The following NEDD8 variants were observed in gnomAD, a reference collection of about 807,000 sequenced individuals.
NEDD8 encodes ubiquitin-like protein NEDD8.
NEDD8 carries 1 observed loss-of-function variant against 13.8 expected under a neutral mutation model. The observed-to-expected ratio is 0.07, with a 90% CI of 0.03 to 0.34. The LOEUF is 0.34. NEDD8 is among the 10% of genes least tolerant of loss of function. NEDD8 has a pLI of 0.99. For synonymous variants in NEDD8, 31 were observed against 33.2 expected (o/e 0.93, Z 0.23); for missense variants, 10 against 95.2 (o/e 0.10, Z 3.73).
At chr14:24,230,859 C>A (rs1363374714) in intron 1 of NEDD8, among the ~76,000 whole-genome samples, 3 of 152,090 alleles carry the variant, frequency 2.0e-5, no homozygotes, top group African/African-American at 7.2e-5. Flanking sequence ...CTTAGGTGAT[C>A]CACCCACCTC....
intron 1 of NEDD8, chr14:24,227,503 G>T (rs1402984793): frequency 6.6e-6 from 1 of 152,216 alleles, no homozygotes; most frequent in African/African-American, 2.4e-5. Context: ...AGACCAGAAT[G>T]AGGGTAATGG....
chr14:24,221,433 C>T (rs2039808316), intron 1 of NEDD8, among the ~76,000 whole-genome samples: 1 of 151,940 alleles, frequency 6.6e-6, no homozygotes, highest in Admixed American at 6.6e-5. Context: ...GCGGGCACCA[C>T]CACGCCTGAC....
At chr14:24,223,283 G>C (rs1160122801) in intron 1 of NEDD8, among the ~76,000 whole-genome samples, 1 of 151,654 alleles carries the variant, frequency 6.6e-6, no homozygotes, top group Admixed American at 6.6e-5. Flanking sequence ...TGTAGTCCCA[G>C]CAACTGGGTA....
At chr14:24,232,032 C>T (rs2040045283) in intron 1 of NEDD8, 2 of 639,084 alleles carry the variant, frequency 3.1e-6, no homozygotes, top group South Asian at 2.2e-5. Context: ...AAAAAGCAGG[C>T]ATGGCAAAAT....
intron 1 of NEDD8, among the ~76,000 whole-genome samples, chr14:24,224,108 T>C (rs1383387892): frequency 1.3e-5 from 2 of 152,188 alleles, no homozygotes; most frequent in Admixed American, 6.5e-5. Flanking sequence ...TTTTGTATTT[T>C]TTAGTAGAGA....
chr14:24,225,697 T>C (rs777708860), intron 1 of NEDD8, among the ~76,000 whole-genome samples: 1 of 152,210 alleles, frequency 6.6e-6, no homozygotes, highest in Non-Finnish European at 1.5e-5. Context: ...ATTCTTGATA[T>C]ATCACACTGT....
intron 1 of NEDD8, among the ~76,000 whole-genome samples, chr14:24,230,395 C>G (rs1352808291): frequency 2.0e-5 from 3 of 147,844 alleles, no homozygotes; most frequent in African/African-American, 7.4e-5. Context: ...ATTAGCTGGG[C>G]GTGGTGGCAG....
chr14:24,231,203 T>C (rs757561927), intron 1 of NEDD8, among the ~76,000 whole-genome samples: 5 of 152,214 alleles, frequency 3.3e-5, no homozygotes, highest in African/African-American at 7.2e-5. Flanking sequence ...TTTTCTCTTT[T>C]TAATGGCGCC....
chr14:24,230,066 C>T (rs1423702671), intron 1 of NEDD8, among the ~76,000 whole-genome samples: 1 of 151,378 alleles, frequency 6.6e-6, no homozygotes, highest in Admixed American at 6.6e-5. Context: ...GAGACTCCGT[C>T]TCAAATAAAA....
intron 1 of NEDD8, among the ~76,000 whole-genome samples, chr14:24,219,164 A>T (rs1281185331): frequency 6.6e-6 from 1 of 152,136 alleles, no homozygotes; most frequent in Non-Finnish European, 1.5e-5. Context: ...GCAGTTTTTT[A>T]AAAAATGCTA....
intron 1 of NEDD8, among the ~76,000 whole-genome samples, chr14:24,229,947 G>A (rs1291225018): frequency 6.6e-6 from 1 of 151,806 alleles, no homozygotes; most frequent in African/African-American, 2.4e-5. Flanking sequence ...GGCACACCCT[G>A]TAGTCCCAGC....
intron 1 of NEDD8, chr14:24,231,991 C>T (rs568877289): frequency 2.0e-6 from 1 of 503,930 alleles, no homozygotes; most frequent in Non-Finnish European, 3.5e-6. Context: ...ACAAAAGCGA[C>T]CCCATTCTGG....
intron 1 of NEDD8, among the ~76,000 whole-genome samples, chr14:24,225,194 A>T (rs183353812): frequency 6.6e-6 from 1 of 151,890 alleles, no homozygotes. Flanking sequence ...AAAGAAAAAA[A>T]GAAAAACATG....
intron 1 of NEDD8, 157 bp downstream of exon 1, chr14:24,232,093 G>GGTC (rs2040049086): frequency 5.1e-6 from 6 of 1,179,650 alleles, no homozygotes; most frequent in Non-Finnish European, 7.1e-6. Context: ...AGCCCTTCTG[G>GGTC]GTCCCCCTAT....
intron 1 of NEDD8, among the ~76,000 whole-genome samples, chr14:24,224,771 T>C (rs1037473123): frequency 8.5e-5 from 13 of 152,156 alleles, no homozygotes; most frequent in African/African-American, 2.9e-4. Flanking sequence ...CACCTATGAA[T>C]TCTTCTCACA....
intron 1 of NEDD8, among the ~76,000 whole-genome samples, chr14:24,224,566 CATTTCAAGTGCT>C (rs2039859918): frequency 6.6e-6 from 1 of 152,196 alleles, no homozygotes; most frequent in African/African-American, 2.4e-5. Flanking sequence ...TCTCTAGTTA[CATTTCAAGTGCT>C]CAATAGCCAA....
intron 1 of NEDD8, chr14:24,227,356 A>C (rs1009343163): frequency 6.6e-6 from 1 of 152,228 alleles, no homozygotes; most frequent in South Asian, 2.1e-4. Context: ...AATGAAAAAG[A>C]AGCTAAAGGA....
chr14:24,230,605 CCTCT>C (rs777255381), intron 1 of NEDD8, among the ~76,000 whole-genome samples: 51 of 150,090 alleles, frequency 3.4e-4, no homozygotes, highest in African/African-American at 1.2e-3. Flanking sequence ...ATTTTCTCCC[CCTCT>C]CTCTTTCTTT....
chr14:24,220,204 TTAAG>T (rs1317348847), intron 1 of NEDD8, among the ~76,000 whole-genome samples: 1 of 152,250 alleles, frequency 6.6e-6, no homozygotes, highest in Non-Finnish European at 1.5e-5. Context: ...AGCTAGTTGT[TTAAG>T]TGTTAAACTT....
Sources: gnomAD v4.1 joint callset for allele counts (sites outside exome capture counted in the v4.1 genomes callset) on GRCh38, gnomAD v4.1.1 for gene constraint, MANE v1.5 for transcripts, NCBI Gene and HGNC (gene_info 2026-07-23, HGNC 2026-07-21) for gene names.